Variants in DSCAML1 observed in about 807,000 individuals in gnomAD.
DSCAML1 encodes DS cell adhesion molecule like 1, also known as cell adhesion molecule DSCAML1.
In DSCAML1, 38 loss-of-function variants were observed where a neutral mutation model predicts 200.5. The observed-to-expected ratio is 0.19, with a 90% CI of 0.15 to 0.25. The LOEUF is 0.25. DSCAML1 is among the 10% of genes least tolerant of loss of function. The pLI is 1.00. For missense variants in DSCAML1, 2,223 were observed against 2,858.8 expected, an observed-to-expected ratio of 0.78 and a Z score of 5.07; for synonymous variants, 1,215 against 1,165.0, an observed-to-expected ratio of 1.04 and a Z score of -0.87.
intron 4 of DSCAML1, among the ~76,000 whole-genome samples, chr11:117,525,620 C>T (rs1215518273): frequency 6.6e-6 from 1 of 152,088 alleles, no homozygotes; most frequent in East Asian, 1.9e-4. Context: ...CCACCACACC[C>T]AGCTATTTTT....
chr11:117,657,860 G>A (rs2052765640), intron 3 of DSCAML1, among the ~76,000 whole-genome samples: 1 of 152,158 alleles, frequency 6.6e-6, no homozygotes, highest in South Asian at 2.1e-4. Context: ...ATGAAGCAGA[G>A]CCTCTCCATG....
chr11:117,649,918 T>G (rs1003680336), intron 3 of DSCAML1, among the ~76,000 whole-genome samples: 6 of 152,042 alleles, frequency 3.9e-5, no homozygotes, highest in African/African-American at 1.4e-4. Flanking sequence ...TCCCCAGGAG[T>G]TGCCTCTTGA....
intron 29 of DSCAML1, 57 bp downstream of exon 29, chr11:117,433,081 T>G (rs143373740): frequency 6.7e-7 from 1 of 1,500,722 alleles, no homozygotes; most frequent in East Asian, 2.3e-5. Context: ...TTCCATGGGT[T>G]GTAGCCTGGG....
intron 3 of DSCAML1, among the ~76,000 whole-genome samples, chr11:117,769,413 TTA>T (rs2054982460): frequency 1.6e-5 from 1 of 61,922 alleles, no homozygotes; most frequent in African/African-American, 7.9e-5. Flanking sequence ...AATATATATT[TTA>T]TATATATTAT....
chr11:117,453,746 C>CTTTCT (rs748920908), intron 19 of DSCAML1, among the ~76,000 whole-genome samples: 1,920 of 138,132 alleles, frequency 0.014, 54 homozygotes, highest in African/African-American at 0.05. Flanking sequence ...TTCTTTCTTT[C>CTTTCT]TTTTTTTTTT....
chr11:117,448,814 A>T (rs2048229990), intron 20 of DSCAML1, among the ~76,000 whole-genome samples: 1 of 152,136 alleles, frequency 6.6e-6, no homozygotes, highest in South Asian at 2.1e-4. Flanking sequence ...TTCTCAGTGA[A>T]CACCTGCAAA....
chr11:117,793,211 T>G (rs1295404335), intron 1 of DSCAML1, among the ~76,000 whole-genome samples: 1 of 152,168 alleles, frequency 6.6e-6, no homozygotes, highest in South Asian at 2.1e-4. Context: ...CCATCGCTGC[T>G]GCCTGTAGCT....
chr11:117,588,031 A>T (rs181776379), intron 3 of DSCAML1, among the ~76,000 whole-genome samples: 1 of 152,290 alleles, frequency 6.6e-6, no homozygotes, highest in East Asian at 1.9e-4. Context: ...ACAAAGACTG[A>T]TGTGGCATTT....
chr11:117,465,242 T>C, intron 16 of DSCAML1, 60 bp from the exon 17 acceptor site: 1 of 1,588,488 alleles, frequency 6.3e-7, no homozygotes, highest in South Asian at 1.1e-5. Flanking sequence ...ATGATGCTCT[T>C]AAAACCAAAG....
intron 3 of DSCAML1, among the ~76,000 whole-genome samples, chr11:117,593,635 G>A (rs553782831): frequency 4.6e-5 from 7 of 152,248 alleles, no homozygotes; most frequent in South Asian, 4.2e-4. Context: ...GAACAGAGCC[G>A]CCTGTTTCTG....
At chr11:117,776,654 C>T in intron 3 of DSCAML1, 137 bp downstream of exon 3, 1 of 1,074,786 alleles carries the variant, frequency 9.3e-7, no homozygotes. Context: ...AAAGCTTCAC[C>T]AGAACAATAA....
chr11:117,766,849 G>A (rs577593053), intron 3 of DSCAML1, among the ~76,000 whole-genome samples: 117 of 152,250 alleles, frequency 7.7e-4, no homozygotes, highest in African/African-American at 2.4e-3. Flanking sequence ...ACCAACTGGC[G>A]TGCAAGTGCA....
intron 3 of DSCAML1, among the ~76,000 whole-genome samples, chr11:117,714,921 C>T (rs936227456): frequency 6.6e-6 from 1 of 151,914 alleles, no homozygotes; most frequent in African/African-American, 2.4e-5. Context: ...CCCAGCCGTC[C>T]AAGTGTCCTT....
At chr11:117,659,563 A>G (rs897213833) in intron 3 of DSCAML1, among the ~76,000 whole-genome samples, 1 of 152,220 alleles carries the variant, frequency 6.6e-6, no homozygotes, top group African/African-American at 2.4e-5. Context: ...ATTGAGGTCC[A>G]AAGGGCAAGA....
intron 31 of DSCAML1, 21 bp from the exon 32 acceptor site, chr11:117,431,054 G>A: frequency 6.3e-7 from 1 of 1,595,812 alleles, no homozygotes; most frequent in African/African-American, 1.3e-5. Flanking sequence ...AAGAGGAAAG[G>A]GGTGGGTTAC....
At chr11:117,649,595 C>G (rs186943039) in intron 3 of DSCAML1, among the ~76,000 whole-genome samples, 1 of 152,160 alleles carries the variant, frequency 6.6e-6, no homozygotes, top group African/African-American at 2.4e-5. Flanking sequence ...TGTGACCCCA[C>G]CACTCTTCTT....
chr11:117,740,665 G>A (rs1342226551), intron 3 of DSCAML1, among the ~76,000 whole-genome samples: 1 of 152,160 alleles, frequency 6.6e-6, no homozygotes, highest in Non-Finnish European at 1.5e-5. Flanking sequence ...CTGCCACACC[G>A]TTGACTCCAG....
chr11:117,776,812 C>T lies in DSCAML1; in HGVS notation c.490G>A (p.Asp164Asn). Residue 164 changes from aspartate to asparagine, a missense_variant, in exon 3 of 33, where the codon GAC becomes AAC. Around this residue, in one of 7 missense-constraint regions of DSCAML1, gnomAD observed 579 missense variants for 721.5 expected, o/e 0.80. Coordinates refer to ENST00000651296, the MANE Select transcript of DSCAML1 (RefSeq NM_020693.4). The stretch of plus-strand genomic sequence containing the variant: ...TTACCTGGGATGATGGAGACTGTGT[C>T]TTTCTCCCAAGATACAACGCTAACA... ...EYVSVVSWEK[D>N]TVSIIPEHRF... 2 of 1,614,162 alleles carry T rather than the reference C, an allele frequency of 1.2e-6. No individual in the cohort carries two copies. The highest frequency in any genetic ancestry group is 2.2e-5 in the East Asian group (1 of 44,886).
At chr11:117,511,097 A>T (rs1484388655) in intron 8 of DSCAML1, among the ~76,000 whole-genome samples, 1 of 152,150 alleles carries the variant, frequency 6.6e-6, no homozygotes, top group Non-Finnish European at 1.5e-5. Context: ...TCTCTGGCAC[A>T]TGCTCCCAGG....
Sources: gnomAD v4.1 joint callset for allele counts (sites outside exome capture counted in the v4.1 genomes callset) on GRCh38, gnomAD v4.1.1 for gene constraint, gnomAD v4.1.1 regional missense constraint, MANE v1.5 for transcripts, NCBI Gene and HGNC (gene_info 2026-07-23, HGNC 2026-07-21) for gene names.